Variants in ANXA2 observed in about 807,000 individuals in gnomAD.
ANXA2 encodes annexin II.
A neutral mutation model predicts 47.3 loss-of-function variants in ANXA2; 28 were observed. The ratio of observed to expected loss-of-function variants is 0.59; its 90% CI spans 0.44 to 0.81. The LOEUF (loss-of-function observed/expected upper bound fraction) is 0.81, where lower values mean the gene tolerates loss of function less well. Ranked by LOEUF, ANXA2 falls within the 40% of genes least tolerant of loss-of-function variation. The pLI is 0.00. For missense variants in ANXA2, 384 were observed against 414.3 expected (o/e 0.93, Z 0.64); for synonymous variants, 172 against 155.5 (o/e 1.11, Z -0.79).
intron 3 of ANXA2, among the ~76,000 whole-genome samples, chr15:60,365,513 G>A (rs907823832): frequency 2.0e-5 from 3 of 152,136 alleles, no homozygotes; most frequent in Admixed American, 6.5e-5. Context: ...AAAGTCACTT[G>A]CAAACTACAA....
chr15:60,353,303 A>T lies in ANXA2; in HGVS notation c.589-827T>A, dbSNP rs192407782. 9.8e-5 allele frequency among the ~76,000 whole-genome samples: 15 copies of T among 152,320 alleles called. No homozygotes were observed. In the East Asian group the frequency reaches 2.9e-3, roughly 29 times the overall value. ...TGGAACTAGAACTGGCAAAAGTCTT[A>T]TTCAGCCAGAAAAGGACAGGTCTCT... On this transcript the variant is annotated intron_variant, in intron 8 of 12. Coordinates refer to ENST00000451270, the MANE Select transcript of ANXA2 (RefSeq NM_004039.3).
At chr15:60,353,139 A>G (rs1261287589) in intron 8 of ANXA2, among the ~76,000 whole-genome samples, 1 of 152,218 alleles carries the variant, frequency 6.6e-6, no homozygotes, top group Admixed American at 6.5e-5. Flanking sequence ...AATATATTGA[A>G]TTTTAAAACT....
chr15:60,368,568 A>G (rs372254799), intron 3 of ANXA2, among the ~76,000 whole-genome samples: 1 of 151,052 alleles, frequency 6.6e-6, no homozygotes, highest in East Asian at 1.9e-4. Flanking sequence ...TGTTAAGTAA[A>G]AAAAAAAAAA....
At chr15:60,377,353 A>C (rs954797887) in intron 3 of ANXA2, among the ~76,000 whole-genome samples, 4 of 152,346 alleles carry the variant, frequency 2.6e-5, no homozygotes, top group African/African-American at 9.6e-5. Flanking sequence ...CCACTATGAA[A>C]GTAATACAAG....
Position 60,352,309 on chromosome 15 carries a change from C to A in ANXA2, c.682+74G>T. On this transcript the variant is annotated intron_variant, in intron 9 of 12. Coordinates refer to ENST00000451270, the MANE Select transcript of ANXA2 (RefSeq NM_004039.3). This position sits in a 1 kb window ranked among gnomAD's most constrained non-coding sequence, Gnocchi z 4.2. ...AGAACCTCATTCTGGCAGACTCCAT[C>A]CCAACATGGACATCCACCCAGCCGC... The A allele has an allele frequency of 9.9e-7, 1 of 1,011,848 alleles. No individual in the cohort carries two copies. Among genetic ancestry groups the A allele is most frequent in the South Asian group, 1.4e-5 (1 of 70,714 alleles). The allele number at this position is 1,011,848 out of a possible 1,614,324, so 62.7% of individuals were successfully genotyped here.
chr15:60,395,394 T>G (rs749763808), intron 1 of ANXA2, among the ~76,000 whole-genome samples: 40 of 152,178 alleles, frequency 2.6e-4, no homozygotes, highest in Non-Finnish European at 4.9e-4. Context: ...CACTAGAGCC[T>G]GAGACTCCTT....
intron 3 of ANXA2, chr15:60,374,537 G>T (rs1393096852): frequency 2.2e-6 from 1 of 456,016 alleles, no homozygotes. Context: ...CTGGTATTTG[G>T]ATTTCCTCAG....
Position 60,351,851 on chromosome 15 carries a change from C to T in ANXA2, c.683-32G>A, listed in dbSNP as rs185041670. On this transcript the variant is annotated intron_variant, in intron 9 of 12. Transcript: ENST00000451270. ...AAAAACAACAAAGAGTTATCAGATC[C>T]GAGCCACTAGTCAAAGCTGTCAACG... The T allele has an allele frequency of 1.8e-4, 265 of 1,446,480 alleles. 4 individuals are homozygous for T. In the East Asian group the frequency reaches 4.5e-3, roughly 25 times the overall value. The allele number at this position is 1,446,480 out of a possible 1,614,324, so 89.6% of individuals were successfully genotyped here. A position where few individuals can be genotyped will look rare whatever the true frequency, so the allele number is the denominator to read the frequency against.
intron 12 of ANXA2, among the ~76,000 whole-genome samples, 159 bp from the exon 13 acceptor site, chr15:60,347,848 C>T (rs1436451370): frequency 6.6e-6 from 1 of 152,216 alleles, no homozygotes; most frequent in Non-Finnish European, 1.5e-5. Context: ...GAAGGCCACA[C>T]CCAAACCATT....
intron 5 of ANXA2, among the ~76,000 whole-genome samples, chr15:60,359,982 C>A (rs965865538): frequency 7.9e-5 from 12 of 152,200 alleles, no homozygotes; most frequent in African/African-American, 2.7e-4. Flanking sequence ...GTTGGCCAGG[C>A]GCGGTGGCTC....
Position 60,354,156 on chromosome 15 carries a change from G to A in ANXA2, c.586C>T (p.Arg196Trp), listed in dbSNP as rs754133483. 10 of 1,613,460 alleles carry A rather than the reference G, an allele frequency of 6.2e-6. No individual in the cohort carries two copies. Among genetic ancestry groups the A allele is most frequent in the African/African-American group, 2.7e-5 (2 of 74,874 alleles). The change falls in exon 8 of 13, where the codon CGG (arginine) becomes TGG (tryptophan). Residue 196 changes from arginine (R) to tryptophan (W), a missense_variant and splice_region_variant. By Grantham distance (101) the Arg-to-Trp change is moderately radical. Coordinates refer to ENST00000451270, the MANE Select transcript of ANXA2 (RefSeq NM_004039.3). ...AAAGCAAAAAGCTCAGCACTTACCC[G>A]AGCATCTTGGTCAATCAGTTCATAA... is the stretch of plus-strand genomic sequence containing the variant. ...IDYELIDQDA[R>W]DLYDAGVKRK...
chr15:60,354,032 A>G (rs1260017392), intron 8 of ANXA2, 122 bp downstream of exon 8: 2 of 680,430 alleles, frequency 2.9e-6, no homozygotes, highest in East Asian at 2.8e-5. Flanking sequence ...GAAATAATAC[A>G]TGTTTGTTGT....
chr15:60,351,280 T>C lies in ANXA2; in HGVS notation c.779-29A>G, dbSNP rs749845465. 6 of 1,611,094 alleles carry C rather than the reference T, an allele frequency of 3.7e-6. No homozygotes were observed. In the African/African-American group the frequency reaches 8.0e-5, roughly 22 times the overall value. ...TGGAGAGAAGAAAGGGAGTCAGCGC[T>C]GCAGCTGCTCTGGTCTCTCCTCTAC... On this transcript the variant is annotated intron_variant, in intron 10 of 12. Coordinates refer to ENST00000451270, the MANE Select transcript of ANXA2 (RefSeq NM_004039.3).
chr15:60,385,960 A>AATAATAT, intron 2 of ANXA2, 68 bp downstream of exon 2: 1 of 1,022,330 alleles, frequency 9.8e-7, no homozygotes, highest in Non-Finnish European at 1.5e-6. Context: ...AAGGATAGAG[A>AATAATAT]GTAATATGGT....
intron 2 of ANXA2, chr15:60,384,162 T>C (rs1267937276): frequency 1.3e-5 from 2 of 152,226 alleles, no homozygotes; most frequent in African/African-American, 2.4e-5. Context: ...ACTCAGTGTG[T>C]TTGCTATGGT....
intron 1 of ANXA2, among the ~76,000 whole-genome samples, chr15:60,393,823 A>C (rs972349386): frequency 2.0e-5 from 3 of 152,168 alleles, no homozygotes; most frequent in Admixed American, 6.5e-5. Context: ...CTGTTTCCTC[A>C]TAGGTCTGAG....
At chr15:60,351,535 C>T (rs1449995811) in intron 10 of ANXA2, 189 bp downstream of exon 10, 1 of 622,818 alleles carries the variant, frequency 1.6e-6, no homozygotes, top group Non-Finnish European at 2.9e-6. Flanking sequence ...TCCCTGGCAA[C>T]AATCTGTTAC....
In ANXA2 at chr15:60,367,912, C is replaced by T. The variant is rs930429700; in HGVS notation, c.149-3389G>A. On this transcript the variant is annotated intron_variant, in intron 3 of 12. Transcript: ENST00000451270. ...AAAAATTGAGAAATCGGATGGTTGC[C>T]GGGTCTGTGTGGATAGAAGTAGACA... Among the ~76,000 whole-genome samples the T allele has an allele frequency of 1.2e-3, 60 of 48,008 alleles. 5 individuals carry two copies. Among genetic ancestry groups the T allele is most frequent in the African/African-American group, 5.1e-3 (54 of 10,624 alleles). 31.5% of individuals were successfully genotyped at this position (48,008 alleles called of 152,430 possible).
chr15:60,348,503 G>A (rs1895832271), intron 12 of ANXA2, among the ~76,000 whole-genome samples: 1 of 152,188 alleles, frequency 6.6e-6, no homozygotes. Context: ...CCAGCACTTT[G>A]GGAGGCCGAG....
Sources: allele counts gnomAD v4.1 joint callset (sites outside exome capture counted in the v4.1 genomes callset), GRCh38; gene constraint gnomAD v4.1.1; non-coding constraint Gnocchi (gnomAD v3.1); transcripts MANE v1.5; gene names NCBI Gene and HGNC (gene_info 2026-07-23, HGNC 2026-07-21).